Variants in MARCHF8 observed in about 807,000 individuals in gnomAD.
The protein encoded by MARCHF8 is E3 ubiquitin-protein ligase MARCHF8.
In MARCHF8, 40 loss-of-function variants were observed where a neutral mutation model predicts 51.6. The ratio of observed to expected loss-of-function variants is 0.77; its 90% CI spans 0.60 to 1.01. The LOEUF (loss-of-function observed/expected upper bound fraction) is 1.01, where lower values mean the gene tolerates loss of function less well. Among genes scored for constraint, MARCHF8 ranks in the 50% least tolerant of loss-of-function variants. MARCHF8 has a pLI of 0.00. For missense variants in MARCHF8, 685 were observed against 708.6 expected (o/e 0.97, Z 0.38); for synonymous variants, 263 against 280.3 (o/e 0.94, Z 0.62).
chr10:45,459,734 G>A (rs1309868660), intron 6 of MARCHF8: 15 of 985,410 alleles, frequency 1.5e-5, no homozygotes, highest in Non-Finnish European at 1.7e-5. Flanking sequence ...GGCAGAAGAC[G>A]CTCACTCTTT....
At chr10:45,504,516 A>G (rs1009755591) in intron 2 of MARCHF8, among the ~76,000 whole-genome samples, 5 of 152,200 alleles carry the variant, frequency 3.3e-5, no homozygotes, top group African/African-American at 9.7e-5. Flanking sequence ...TTTTTTCTCC[A>G]GTGTTTTTTC....
Position 45,463,759 on chromosome 10 carries a change from A to T in MARCHF8, c.480T>A (p.Asp160Glu), listed in dbSNP as rs1300102881. 11 of 1,551,078 alleles carry T rather than the reference A, an allele frequency of 7.1e-6. No individual in the cohort carries two copies. The highest frequency in any genetic ancestry group is 9.6e-6 in the Non-Finnish European group (11 of 1,147,156). The change falls in exon 5 of 8, where the codon GAT becomes GAA. Residue 160 changes from aspartate to glutamate, a missense_variant. Physicochemically the swap from Asp to Glu is conservative, Grantham distance 45. Coordinates refer to ENST00000453424, the MANE Select transcript of MARCHF8 (RefSeq NM_001282866.2). ...RTLKFSRSLN[D>E]VGEKAQDTSE... is the part of the protein sequence containing the mutation. ...AAGTATCCTGCGCCTTCTCACCCAC[A>T]TCATTGAGGGACCTTGAGAACTTTA...
intron 2 of MARCHF8, among the ~76,000 whole-genome samples, chr10:45,495,253 A>C (rs1439114207): frequency 2.0e-5 from 3 of 152,314 alleles, no homozygotes; most frequent in Middle Eastern, 3.4e-3. Flanking sequence ...TAATTCATTT[A>C]GCATTAGTAA....
At chr10:45,521,132 T>TACC (rs1429681744) in intron 2 of MARCHF8, among the ~76,000 whole-genome samples, 167 of 152,366 alleles carry the variant, frequency 1.1e-3, no homozygotes, top group Non-Finnish European at 7.5e-4. Context: ...CCCCAAAAGT[T>TACC]CTTCATTGAA....
chr10:45,542,127 C>T (rs529552911), intron 1 of MARCHF8, among the ~76,000 whole-genome samples: 16 of 152,120 alleles, frequency 1.1e-4, no homozygotes, highest in African/African-American at 3.4e-4. Context: ...AGGCAGATCA[C>T]GAGGTCAGGA....
rs541635327 is a variant in MARCHF8, at chr10:45,463,636, T to C, written c.603A>G (p.Glu201=). 41 of 1,550,704 alleles carry C rather than the reference T, an allele frequency of 2.6e-5. 1 individual carries two copies. In the South Asian group the frequency reaches 4.3e-4, roughly 16 times the overall value. The change falls in exon 5 of 8, where the codon GAA becomes GAG. Residue 201 remains glutamate, a synonymous_variant. Transcript: ENST00000453424. ...CLRTNRFHHK[E]KRTLNHKPLG... ...GAGGTTTGTGGTTCAGGGTTCTTTT[T>C]TCTTTATGATGAAACCTGTTAGTTC...
chr10:45,575,603 C>T (rs570619384), intron 1 of MARCHF8, among the ~76,000 whole-genome samples: 4 of 152,154 alleles, frequency 2.6e-5, no homozygotes, highest in Admixed American at 2.6e-4. Flanking sequence ...TGAGAAACAT[C>T]GCCCATTATC....
intron 3 of MARCHF8, among the ~76,000 whole-genome samples, chr10:45,469,787 C>G (rs905749916): frequency 2.9e-5 from 4 of 137,978 alleles, no homozygotes; most frequent in African/African-American, 1.1e-4. Flanking sequence ...ATGGCGTGAA[C>G]CCGGGAGGCG....
chr10:45,567,776 T>A, intron 1 of MARCHF8, among the ~76,000 whole-genome samples: 1 of 152,180 alleles, frequency 6.6e-6, no homozygotes, highest in East Asian at 1.9e-4. Flanking sequence ...GGTCTTCTGT[T>A]GTTCCATAAA....
chr10:45,565,402 C>CT (rs2044353833), intron 1 of MARCHF8, among the ~76,000 whole-genome samples: 2 of 152,024 alleles, frequency 1.3e-5, no homozygotes, highest in Admixed American at 1.3e-4. Context: ...GCACTCCAGC[C>CT]TGGGCGAGAG....
At chr10:45,551,639 TAGA>T (rs762624511) in intron 1 of MARCHF8, among the ~76,000 whole-genome samples, 4 of 152,120 alleles carry the variant, frequency 2.6e-5, no homozygotes, top group African/African-American at 4.8e-5. Context: ...TGACCTCCCC[TAGA>T]AGAAGAGGGA....
intron 2 of MARCHF8, among the ~76,000 whole-genome samples, chr10:45,515,009 C>T (rs753405871): frequency 5.3e-5 from 8 of 152,118 alleles, no homozygotes; most frequent in Admixed American, 1.3e-4. Flanking sequence ...GGGAGCTCTG[C>T]GTATCAATGC....
At chr10:45,479,585 G>A (rs1222889550) in intron 3 of MARCHF8, among the ~76,000 whole-genome samples, 1 of 152,144 alleles carries the variant, frequency 6.6e-6, no homozygotes, top group Non-Finnish European at 1.5e-5. Flanking sequence ...TACTGTTCTT[G>A]TGGTAGTGAA....
intron 2 of MARCHF8, among the ~76,000 whole-genome samples, chr10:45,500,066 AG>A (rs137878676): frequency 0.024 from 3,721 of 152,294 alleles, 157 homozygotes; most frequent in African/African-American, 0.084. Context: ...CAATAAACAC[AG>A]GATGTCTTCC....
intron 1 of MARCHF8, among the ~76,000 whole-genome samples, chr10:45,561,059 A>G (rs2044305071): frequency 6.6e-6 from 1 of 152,160 alleles, no homozygotes; most frequent in Admixed American, 6.5e-5. Context: ...AAAGAATTTC[A>G]GTTCTCTATG....
At chr10:45,530,600 CA>C (rs1216578239) in intron 2 of MARCHF8, among the ~76,000 whole-genome samples, 1 of 151,998 alleles carries the variant, frequency 6.6e-6, no homozygotes, top group African/African-American at 2.4e-5. Context: ...TGGGCAATAG[CA>C]AGACCCCGAC....
intron 2 of MARCHF8, among the ~76,000 whole-genome samples, chr10:45,514,046 T>G (rs2043579269): frequency 6.6e-6 from 1 of 152,248 alleles, no homozygotes; most frequent in Admixed American, 6.5e-5. Context: ...AAAAAGATTT[T>G]TTTACATCAA....
chr10:45,573,691 G>A (rs57973254), intron 1 of MARCHF8, among the ~76,000 whole-genome samples: 3,764 of 152,246 alleles, frequency 0.025, 159 homozygotes, highest in African/African-American at 0.085. Context: ...GATGCTGCCC[G>A]ATCACCACAG....
chr10:45,573,862 C>A (rs1212310258), intron 1 of MARCHF8, among the ~76,000 whole-genome samples: 2 of 152,182 alleles, frequency 1.3e-5, no homozygotes, highest in South Asian at 4.1e-4. Context: ...GAAGACCACG[C>A]TTCTAAAACC....
Sources: allele counts gnomAD v4.1 joint callset (sites outside exome capture counted in the v4.1 genomes callset), GRCh38; gene constraint gnomAD v4.1.1; transcripts MANE v1.5; gene names NCBI Gene and HGNC (gene_info 2026-07-23, HGNC 2026-07-21).